Variants in PAX8 observed in about 807,000 individuals in gnomAD.
The protein encoded by PAX8 is paired box protein Pax-8.
A neutral mutation model predicts 52.4 loss-of-function variants in PAX8; 15 were observed. The ratio of observed to expected loss-of-function variants is 0.29; its 90% CI spans 0.19 to 0.44. The LOEUF is 0.44. Among genes scored for constraint, PAX8 ranks in the 20% least tolerant of loss-of-function variants. The probability of loss-of-function intolerance (pLI) is 1.00; values close to 1 mark genes in which losing one functional copy is unlikely to be tolerated. For missense variants in PAX8, 554 were observed against 602.5 expected, an observed-to-expected ratio of 0.92 and a Z score of 0.84; for synonymous variants, 284 against 249.7, an observed-to-expected ratio of 1.14 and a Z score of -1.29.
chr2:113,224,979 G>C (rs897284393), intron 10 of PAX8, among the ~76,000 whole-genome samples: 1 of 152,076 alleles, frequency 6.6e-6, no homozygotes, highest in Non-Finnish European at 1.5e-5. Context: ...TGGTATGGTA[G>C]GAGGCAGTAT....
chr2:113,243,491 A>T (rs1375629857), intron 4 of PAX8, among the ~76,000 whole-genome samples: 2 of 151,730 alleles, frequency 1.3e-5, no homozygotes, highest in Non-Finnish European at 2.9e-5. Context: ...TCCCATGTTC[A>T]AGTGGTTTTC....
intron 2 of PAX8, chr2:113,271,971 G>A (rs1361987377): frequency 6.6e-6 from 1 of 152,110 alleles, no homozygotes; most frequent in Non-Finnish European, 1.5e-5. Context: ...CTAAGTGCCA[G>A]GTATGCTCAG....
intron 2 of PAX8, among the ~76,000 whole-genome samples, chr2:113,258,301 G>A (rs370510326): frequency 6.6e-6 from 1 of 151,910 alleles, no homozygotes; most frequent in South Asian, 2.1e-4. Context: ...TACATCCATC[G>A]CTGCCTCCTT....
At chr2:113,250,373 C>T (rs1477003110) in intron 2 of PAX8, among the ~76,000 whole-genome samples, 1 of 152,068 alleles carries the variant, frequency 6.6e-6, no homozygotes, top group East Asian at 1.9e-4. Context: ...GTAATATTCC[C>T]ATGGTTGAAT....
At position 113,235,413 on chromosome 2, in the gene PAX8, C is replaced by T. The variant is rs568106732; in HGVS notation, c.1068G>A (p.Thr356=). 6.3e-7 allele frequency: 1 copy of T among 1,591,876 alleles called. No homozygotes were observed. The highest frequency in any genetic ancestry group is 8.6e-7 in the Non-Finnish European group (1 of 1,169,408). Residue 356 remains threonine, a synonymous_variant, in exon 9 of 12, where the codon ACG becomes ACA. Coordinates refer to ENST00000429538, the MANE Select transcript of PAX8 (RefSeq NM_003466.4). ...PHAASVYGQF[T]GQALLSGREM... ...TCGTACCTGAGAGGAGGGCCTGGCC[C>T]GTGAACTGCCCGTACACGGAGGCAG...
intron 2 of PAX8, chr2:113,268,001 A>G (rs1205257436): frequency 2.0e-5 from 3 of 152,256 alleles, no homozygotes; most frequent in Non-Finnish European, 4.4e-5. Context: ...CTCAGGGCCA[A>G]CCCTGCCCTT....
rs1690900334 is a variant in PAX8, at chr2:113,242,107, G to T, written c.502C>A (p.Pro168Thr). 8 of 1,613,504 alleles carry T rather than the reference G, an allele frequency of 5.0e-6. No individual in the cohort carries two copies. The highest frequency in any genetic ancestry group is 6.8e-6 in the Non-Finnish European group (8 of 1,179,514). ...TLIPSSAVTP[P>T]ESPQSDSLGS... The stretch of plus-strand genomic sequence containing the variant: ...AGGGAATCCGACTGGGGTGACTCCG[G>T]GGGAGTTACAGCTGAGCTGGGGACT... Residue 168 changes from proline to threonine, a missense_variant, in exon 6 of 12, where the codon CCG becomes ACG. Coordinates refer to ENST00000429538, the MANE Select transcript of PAX8 (RefSeq NM_003466.4).
rs1689023758 is a variant in PAX8, at chr2:113,216,186, C to T, written c.*2347G>A. 1 of 230,284 alleles carries T rather than the reference C, an allele frequency of 4.3e-6. No individual in the cohort carries two copies. Among genetic ancestry groups the T allele is most frequent in the Non-Finnish European group, 8.6e-6 (1 of 116,276 alleles). 14.3% of individuals were successfully genotyped at this position (230,284 alleles called of 1,614,324 possible). ...CCTCGGGATCCCAGAGGTTTGTGGT[C>T]AGGAAGACTCTCAGATGTCATGGAT... On this transcript the variant is annotated 3_prime_UTR_variant, in exon 12 of 12. Transcript: ENST00000429538.
chr2:113,261,552 G>T (rs877202), intron 2 of PAX8, among the ~76,000 whole-genome samples: 32,920 of 152,128 alleles, frequency 0.22, 3,684 homozygotes, highest in Non-Finnish European at 0.24. Flanking sequence ...CTATGAAGGT[G>T]GATGTGCACA....
At chr2:113,276,713 G>C (rs963847268) in intron 2 of PAX8, 1 of 151,336 alleles carries the variant, frequency 6.6e-6, no homozygotes, top group Non-Finnish European at 1.5e-5. Context: ...CATTTCTTGG[G>C]CAGCGGCAGA....
At chr2:113,221,632 T>A (rs1449929043) in intron 10 of PAX8, among the ~76,000 whole-genome samples, 1 of 152,234 alleles carries the variant, frequency 6.6e-6, no homozygotes, top group African/African-American at 2.4e-5. Flanking sequence ...GAGTGCTCAA[T>A]AAATCTAAGC....
intron 2 of PAX8, among the ~76,000 whole-genome samples, chr2:113,260,896 GTGTA>G (rs1358192990): frequency 6.6e-6 from 1 of 151,948 alleles, no homozygotes; most frequent in Non-Finnish European, 1.5e-5. Context: ...GTGTGTGTGT[GTGTA>G]TGTGTGTGAC....
chr2:113,218,697 A>G (rs1029758746), intron 11 of PAX8, 88 bp from the exon 12 acceptor site: 3 of 758,616 alleles, frequency 4.0e-6, no homozygotes, highest in Middle Eastern at 2.3e-4. Flanking sequence ...CTGACCTTTA[A>G]GACAACACAA....
At chr2:113,242,822 A>C (rs1356818168) in intron 4 of PAX8, 44 bp from the exon 5 acceptor site, 1 of 1,492,322 alleles carries the variant, frequency 6.7e-7, no homozygotes, top group East Asian at 2.3e-5. Context: ...AGAGGAGGAA[A>C]GAGAACTCAT....
chr2:113,278,606 A>G lies in PAX8; in HGVS notation c.-75-137T>C, dbSNP rs937238110. Reference sequence around the variant, plus strand: ...AGGATTTTTAGGCGAAGTAGGGCCAACCTCAGCCTAGCCTAGCTAACAGGC... The same window carrying G: ...AGGATTTTTAGGCGAAGTAGGGCCAGCCTCAGCCTAGCCTAGCTAACAGGC... On this transcript the variant is annotated intron_variant, in intron 1 of 11. Coordinates refer to ENST00000429538, the MANE Select transcript of PAX8 (RefSeq NM_003466.4). The G allele has an allele frequency of 5.4e-5, 44 of 809,330 alleles. 1 individual carries two copies. The Admixed American group carries it at 8.5e-4, about 16-fold the overall frequency. 50.1% of individuals were successfully genotyped at this position (809,330 alleles called of 1,614,324 possible).
Position 113,242,771 on chromosome 2 carries a change from G to T in PAX8, c.397C>A (p.Arg133=). Residue 133 remains arginine (R), a synonymous_variant, in exon 5 of 12, where the codon CGG becomes AGG. Transcript: ENST00000429538. ...TTGAATGGTTGCTGCACTTTGGTCC[G>T]GATGATTCTGTGATGAAGAGAAGAA... is the stretch of plus-strand genomic sequence containing the variant. ...PSVSSINRII[R]TKVQQPFNLP... is the part of the protein sequence containing the mutation. 6.2e-7 allele frequency: 1 copy of T among 1,613,128 alleles called. No homozygotes were observed. The highest frequency in any genetic ancestry group is 2.2e-5 in the East Asian group (1 of 44,864).
At chr2:113,226,650 C>T in intron 10 of PAX8, 1 of 1,089,748 alleles carries the variant, frequency 9.2e-7, no homozygotes, top group South Asian at 2.7e-5. Flanking sequence ...GCATATATTT[C>T]ATCATCATCA....
intron 9 of PAX8, among the ~76,000 whole-genome samples, chr2:113,229,463 G>T (rs147153957): frequency 1.3e-5 from 2 of 152,284 alleles, no homozygotes; most frequent in Admixed American, 1.3e-4. Flanking sequence ...GTTTAAAACC[G>T]TGTGAATGTT....
intron 2 of PAX8, chr2:113,265,733 G>C (rs777769683): frequency 9.2e-5 from 14 of 152,172 alleles, no homozygotes; most frequent in Non-Finnish European, 2.1e-4. Flanking sequence ...ATGGTCTCCT[G>C]AGTTCCATAA....
Sources: allele counts gnomAD v4.1 joint callset (sites outside exome capture counted in the v4.1 genomes callset), GRCh38; gene constraint gnomAD v4.1.1; transcripts MANE v1.5; gene names NCBI Gene and HGNC (gene_info 2026-07-23, HGNC 2026-07-21).